TLE4: variants seen among roughly 807,000 people sequenced by gnomAD.
TLE4 encodes TLE family member 4, transcriptional corepressor, also known as transducin-like enhancer protein 4.
Under a neutral mutation model 92.8 loss-of-function variants are expected in TLE4, and 8 were observed. That is an observed-to-expected ratio of 0.09 (90% CI 0.05 to 0.16). The LOEUF (loss-of-function observed/expected upper bound fraction) is 0.16, where lower values mean the gene tolerates loss of function less well. TLE4 is among the 10% of genes least tolerant of loss of function. The pLI, the probability that TLE4 is intolerant of heterozygous loss-of-function variation, is 1.00. For synonymous variants in TLE4, 371 were observed against 374.1 expected (o/e 0.99, Z 0.10); for missense variants, 675 against 997.6 (o/e 0.68, Z 4.36).
chr9:79,592,121 CTTCTTTCTTCTTCTTTCTTCT>C, intron 4 of TLE4, among the ~76,000 whole-genome samples: 1 of 149,762 alleles, frequency 6.7e-6, no homozygotes, highest in South Asian at 2.1e-4. Flanking sequence ...TTTCTTCTTT[CTTCTTTCTTCTTCTTTCTTCT>C]TTCTTCTTTC....
chr9:79,572,744 A>G lies in TLE4; in HGVS notation c.-47A>G, dbSNP rs2036144166. ...CCTCCTCTTCGGGGTCATTAAAGCC[A>G]ATGAGCCGCGCGCCTCTGCCGAGCG... On this transcript the variant is annotated 5_prime_UTR_variant, in exon 1 of 20. Coordinates refer to ENST00000376552, the MANE Select transcript of TLE4 (RefSeq NM_007005.6). The G allele has an allele frequency of 1.3e-6, 2 of 1,586,422 alleles. No homozygotes were observed. The highest frequency in any genetic ancestry group is 1.7e-6 in the Non-Finnish European group (2 of 1,167,100).
In TLE4 at chr9:79,658,482, T is replaced by C. The variant is rs371850020; in HGVS notation, c.609+4407T>C. ...TCTGCCGCATCTGTATTTTGGGGCA[T>C]AGATGACTAAAACATCATACATTGC... On this transcript the variant is annotated intron_variant, in intron 8 of 19. Coordinates refer to ENST00000376552, the MANE Select transcript of TLE4 (RefSeq NM_007005.6). Among the ~76,000 whole-genome samples the C allele has an allele frequency of 9.8e-4, 149 of 152,334 alleles. No individual in the cohort carries two copies. In the Middle Eastern group the frequency reaches 0.02, roughly 21 times the overall value.
chr9:79,618,197 C>T (rs1194245795), intron 5 of TLE4, among the ~76,000 whole-genome samples: 1 of 152,212 alleles, frequency 6.6e-6, no homozygotes, highest in East Asian at 1.9e-4. Flanking sequence ...TGCTTCCAGA[C>T]ATAATGCTAT....
chr9:79,717,079 T>G (rs563461813), intron 14 of TLE4, among the ~76,000 whole-genome samples: 2 of 152,334 alleles, frequency 1.3e-5, no homozygotes, highest in Admixed American at 6.5e-5. Context: ...GTATCTGGTC[T>G]GCTTTTCACT....
At chr9:79,701,064 A>G (rs1178130998) in intron 8 of TLE4, among the ~76,000 whole-genome samples, 5 of 152,212 alleles carry the variant, frequency 3.3e-5, no homozygotes, top group Non-Finnish European at 7.3e-5. Flanking sequence ...CTTTATCGGT[A>G]TTTATTTAAT....
intron 6 of TLE4, among the ~76,000 whole-genome samples, chr9:79,652,253 C>G (rs1000025647): frequency 1.7e-4 from 26 of 151,796 alleles, no homozygotes; most frequent in African/African-American, 6.3e-4. Flanking sequence ...GTGGCACGAA[C>G]TCGGCTCACT....
intron 8 of TLE4, among the ~76,000 whole-genome samples, chr9:79,660,867 G>A (rs2060434509): frequency 6.6e-6 from 1 of 152,164 alleles, no homozygotes; most frequent in African/African-American, 2.4e-5. Context: ...TTGTTTTGCA[G>A]CACCCTCCTC....
At chr9:79,573,163 C>T in intron 1 of TLE4, 2 of 867,576 alleles carry the variant, frequency 2.3e-6, no homozygotes, top group Non-Finnish European at 2.9e-6. Context: ...ACTCCGCGCC[C>T]GGGCGGGGAG....
intron 4 of TLE4, among the ~76,000 whole-genome samples, chr9:79,589,002 G>T (rs1423931518): frequency 6.6e-6 from 1 of 152,120 alleles, no homozygotes; most frequent in Non-Finnish European, 1.5e-5. Flanking sequence ...GATATTTGGG[G>T]TTGTCACAAC....
At chr9:79,673,936 C>T (rs530887200) in intron 8 of TLE4, among the ~76,000 whole-genome samples, 6 of 152,212 alleles carry the variant, frequency 3.9e-5, no homozygotes, top group African/African-American at 1.4e-4. Flanking sequence ...TAGGGCCGTT[C>T]TGCTTAATGT....
At chr9:79,683,939 A>C (rs1285713694) in intron 8 of TLE4, among the ~76,000 whole-genome samples, 1 of 152,242 alleles carries the variant, frequency 6.6e-6, no homozygotes, top group Non-Finnish European at 1.5e-5. Context: ...ACAGTTTATC[A>C]TTTATACATA....
intron 8 of TLE4, among the ~76,000 whole-genome samples, chr9:79,702,628 G>A (rs918892679): frequency 2.6e-5 from 4 of 152,218 alleles, no homozygotes; most frequent in African/African-American, 9.6e-5. Context: ...AATGCCTGCA[G>A]TCTTTTCTGC....
In TLE4 at chr9:79,604,252, G is replaced by A. The variant is rs559278570; in HGVS notation, c.253-8404G>A. On this transcript the variant is annotated intron_variant, in intron 4 of 19. Coordinates refer to ENST00000376552, the MANE Select transcript of TLE4 (RefSeq NM_007005.6). ...GTTCCAGGTAGAGGGAACAGCAAGT[G>A]CAAATGCTAGGAAGAGGGACTGTCT... Among the ~76,000 whole-genome samples the A allele has an allele frequency of 2.5e-4, 38 of 152,240 alleles. 1 individual carries two copies. Among genetic ancestry groups the A allele is most frequent in the African/African-American group, 9.1e-4 (38 of 41,566 alleles).
At chr9:79,695,878 G>C (rs948264541) in intron 8 of TLE4, among the ~76,000 whole-genome samples, 15 of 152,224 alleles carry the variant, frequency 9.9e-5, no homozygotes, top group African/African-American at 3.1e-4. Context: ...AAAACGTTTG[G>C]GTTGTCTGAT....
rs1345698294 is a variant in TLE4, at chr9:79,694,185, G to T, written c.610-10598G>T. On this transcript the variant is annotated intron_variant, in intron 8 of 19. Coordinates refer to ENST00000376552, the MANE Select transcript of TLE4 (RefSeq NM_007005.6). ...GAAGGAGAAAGAGGGAGAGGGAAAG[G>T]TCAGAGAAACAGGAGCGATAGACCA... Among the ~76,000 whole-genome samples, 4 of 152,258 alleles carry T rather than the reference G, an allele frequency of 2.6e-5. No individual in the cohort carries two copies. In the East Asian group the frequency reaches 5.8e-4, roughly 22 times the overall value.
intron 4 of TLE4, among the ~76,000 whole-genome samples, chr9:79,586,906 C>T (rs921580591): frequency 1.1e-4 from 17 of 152,102 alleles, no homozygotes; most frequent in East Asian, 3.8e-4. Context: ...TAATCACATT[C>T]GGGTAAATGG....
At chr9:79,577,565 A>G (rs1250829358) in intron 4 of TLE4, among the ~76,000 whole-genome samples, 1 of 152,162 alleles carries the variant, frequency 6.6e-6, no homozygotes, top group African/African-American at 2.4e-5. Context: ...AATCTTGTGG[A>G]TGGACTTCTC....
At chr9:79,597,713 CAT>C (rs1333136451) in intron 4 of TLE4, among the ~76,000 whole-genome samples, 1 of 152,206 alleles carries the variant, frequency 6.6e-6, no homozygotes, top group Non-Finnish European at 1.5e-5. Flanking sequence ...CCCAGTCAAA[CAT>C]GAGGTCTTCT....
intron 5 of TLE4, among the ~76,000 whole-genome samples, chr9:79,625,896 A>T (rs1055648451): frequency 2.4e-4 from 36 of 149,348 alleles, no homozygotes; most frequent in African/African-American, 8.0e-4. Context: ...AAAATAAATA[A>T]ATATATATTT....
Sources: gnomAD v4.1 joint callset for allele counts (sites outside exome capture counted in the v4.1 genomes callset) on GRCh38, gnomAD v4.1.1 for gene constraint, MANE v1.5 for transcripts, NCBI Gene and HGNC (gene_info 2026-07-23, HGNC 2026-07-21) for gene names.